NAV3: variants seen among roughly 807,000 people sequenced by gnomAD.
NAV3 encodes neuron navigator 3.
Under a neutral mutation model 244.7 loss-of-function variants are expected in NAV3, and 87 were observed. The observed-to-expected ratio is 0.36, with a 90% confidence interval of 0.30 to 0.42. The LOEUF is 0.42. Among genes scored for constraint, NAV3 ranks in the 20% least tolerant of loss-of-function variants. The probability of loss-of-function intolerance (pLI) is 1.00; values close to 1 mark genes in which losing one functional copy is unlikely to be tolerated. For missense variants in NAV3, 2,663 were observed against 2,893.3 expected (o/e 0.92, Z 1.83); for synonymous variants, 1,126 against 1,042.2 (o/e 1.08, Z -1.55).
intron 2 of NAV3, among the ~76,000 whole-genome samples, chr12:77,644,829 C>A (rs1219221779): frequency 3.3e-5 from 5 of 151,908 alleles, no homozygotes; most frequent in Non-Finnish European, 7.4e-5. Context: ...GTAGGCTAAA[C>A]AAACAAAGCA....
At chr12:78,048,169 G>T (rs1191601203) in intron 9 of NAV3, among the ~76,000 whole-genome samples, 1 of 152,068 alleles carries the variant, frequency 6.6e-6, no homozygotes, top group African/African-American at 2.4e-5. Flanking sequence ...TTCTCCTTTA[G>T]CTTGGAGGAG....
chr12:78,210,127 T>C (rs1297305561), intron 39 of NAV3, among the ~76,000 whole-genome samples: 1 of 152,186 alleles, frequency 6.6e-6, no homozygotes, highest in African/African-American at 2.4e-5. Flanking sequence ...CAGTTTCCTT[T>C]CCAGTCTCCC....
At chr12:78,005,948 A>G (rs1400916998) in intron 7 of NAV3, among the ~76,000 whole-genome samples, 1 of 152,202 alleles carries the variant, frequency 6.6e-6, no homozygotes, top group Non-Finnish European at 1.5e-5. Context: ...TTGCTCTGTC[A>G]TCCAGGCTGG....
At chr12:78,136,569 A>G (rs1017004020) in intron 18 of NAV3, among the ~76,000 whole-genome samples, 1 of 152,208 alleles carries the variant, frequency 6.6e-6, no homozygotes, top group Non-Finnish European at 1.5e-5. Flanking sequence ...ATCATTTCAT[A>G]TAATTAACTT....
chr12:78,163,683 C>G (rs1226745512), intron 23 of NAV3, among the ~76,000 whole-genome samples: 1 of 152,132 alleles, frequency 6.6e-6, no homozygotes, highest in African/African-American at 2.4e-5. Flanking sequence ...TTATATAATA[C>G]TAAGTCTGTA....
intron 8 of NAV3, among the ~76,000 whole-genome samples, chr12:78,008,490 G>T (rs145368623): frequency 6.6e-6 from 1 of 152,124 alleles, no homozygotes; most frequent in African/African-American, 2.4e-5. Context: ...TGTCTGCTTT[G>T]TCCCTCTTTC....
At chr12:78,105,000 G>A (rs1455391412) in intron 12 of NAV3, among the ~76,000 whole-genome samples, 1 of 152,066 alleles carries the variant, frequency 6.6e-6, no homozygotes, top group African/African-American at 2.4e-5. Flanking sequence ...CTGAGTGTTT[G>A]TTTAGGATAG....
intron 9 of NAV3, among the ~76,000 whole-genome samples, chr12:78,034,203 C>A (rs928326144): frequency 1.5e-4 from 23 of 152,190 alleles, no homozygotes; most frequent in African/African-American, 4.8e-4. Context: ...AGCAACATCA[C>A]TGGCCACTTC....
At chr12:77,671,058 G>A (rs1427797423) in intron 2 of NAV3, among the ~76,000 whole-genome samples, 4 of 151,998 alleles carry the variant, frequency 2.6e-5, no homozygotes, top group African/African-American at 7.2e-5. Context: ...CATCCAGAAA[G>A]CTCCCAGAAC....
intron 34 of NAV3, 59 bp downstream of exon 34, chr12:78,190,278 C>A: frequency 7.2e-7 from 1 of 1,396,626 alleles, no homozygotes; most frequent in Non-Finnish European, 9.9e-7. Context: ...TTTAAGCAAT[C>A]AAATTATAAG....
At chr12:77,923,690 A>C (rs1157716753) in intron 1 of NAV3, among the ~76,000 whole-genome samples, 11 of 152,146 alleles carry the variant, frequency 7.2e-5, no homozygotes. Flanking sequence ...AGGTTATATG[A>C]AGTTCCAAGG....
At chr12:77,633,098 G>C (rs891052845) in intron 2 of NAV3, among the ~76,000 whole-genome samples, 1 of 151,976 alleles carries the variant, frequency 6.6e-6, no homozygotes, top group African/African-American at 2.4e-5. Context: ...ATGATTTTTA[G>C]ATAATATGCT....
At chr12:77,804,701 C>A (rs1315552980) in intron 2 of NAV3, among the ~76,000 whole-genome samples, 3 of 150,882 alleles carry the variant, frequency 2.0e-5, no homozygotes, top group Non-Finnish European at 4.4e-5. Context: ...TTTTTTAATT[C>A]TGTGAATAAA....
intron 12 of NAV3, among the ~76,000 whole-genome samples, chr12:78,111,623 C>G (rs536008872): frequency 1.1e-4 from 16 of 152,196 alleles, no homozygotes; most frequent in Middle Eastern, 3.4e-3. Context: ...GGATATGGAG[C>G]AACTGAAATT....
intron 2 of NAV3, among the ~76,000 whole-genome samples, chr12:77,579,077 C>T (rs185219946): frequency 2.0e-5 from 3 of 152,158 alleles, no homozygotes; most frequent in Admixed American, 1.3e-4. Context: ...AAATGACTGG[C>T]ATTATAAACA....
At chr12:78,203,087 AT>A (rs1320164606) in intron 38 of NAV3, among the ~76,000 whole-genome samples, 2 of 152,062 alleles carry the variant, frequency 1.3e-5, no homozygotes, top group East Asian at 1.9e-4. Context: ...ATGGATTTTG[AT>A]TTTTTTCTGG....
At chr12:77,600,704 A>G (rs1023644706) in intron 2 of NAV3, among the ~76,000 whole-genome samples, 1 of 151,974 alleles carries the variant, frequency 6.6e-6, no homozygotes, top group African/African-American at 2.4e-5. Flanking sequence ...GAGAGAAATG[A>G]ATAGAAACAT....
chr12:77,868,642 G>A (rs1018581427), intron 1 of NAV3, among the ~76,000 whole-genome samples: 1 of 151,446 alleles, frequency 6.6e-6, no homozygotes, highest in African/African-American at 2.4e-5. Context: ...TGTAGTCCCA[G>A]CTCCTCAGGT....
chr12:77,634,690 T>G (rs1273846673), intron 2 of NAV3, among the ~76,000 whole-genome samples: 2 of 152,162 alleles, frequency 1.3e-5, no homozygotes, highest in Non-Finnish European at 2.9e-5. Flanking sequence ...TGCATATTAA[T>G]GATGGGAGTT....
Sources: gnomAD v4.1 joint callset for allele counts (sites outside exome capture counted in the v4.1 genomes callset) on GRCh38, gnomAD v4.1.1 for gene constraint, MANE v1.5 for transcripts, NCBI Gene and HGNC (gene_info 2026-07-23, HGNC 2026-07-21) for gene names.